Variants in ZNF763 observed in about 807,000 individuals in gnomAD.
The protein encoded by ZNF763 is zinc finger protein 763.
In ZNF763, 33 loss-of-function variants were observed where a neutral mutation model predicts 38.0. The ratio of observed to expected loss-of-function variants is 0.87; its 90% confidence interval spans 0.66 to 1.16. The LOEUF (loss-of-function observed/expected upper bound fraction) is 1.16, where lower values mean the gene tolerates loss of function less well. Among genes scored for constraint, ZNF763 ranks in the 50% most tolerant of loss-of-function variants. The pLI is 0.00. For missense variants in ZNF763, 423 were observed against 469.1 expected (o/e 0.90, Z 0.91); for synonymous variants, 155 against 160.1 (o/e 0.97, Z 0.24).
chr19:11,966,410 G>C (rs1257854120), intron 1 of ZNF763, among the ~76,000 whole-genome samples: 1 of 152,174 alleles, frequency 6.6e-6, no homozygotes, highest in East Asian at 1.9e-4. Flanking sequence ...ATCTCCTTCT[G>C]TCGCCCAGGC....
Position 11,979,277 on chromosome 19 carries a change from A to G in ZNF763, c.*168A>G. 6.2e-7 allele frequency: 1 copy of G among 1,613,576 alleles called. No homozygotes were observed. The highest frequency in any genetic ancestry group is 8.5e-7 in the Non-Finnish European group (1 of 1,179,884). ...ACTCACACTGGAGAGAAACCCTATG[A>G]GTGTAAGCAATGTGGGAAAGCCTTC... is the stretch of plus-strand genomic sequence containing the variant. On this transcript the variant is annotated 3_prime_UTR_variant, in exon 4 of 4. Transcript: ENST00000358987.
chr19:11,967,422 T>G (rs1411734016), intron 1 of ZNF763, among the ~76,000 whole-genome samples: 1 of 152,114 alleles, frequency 6.6e-6, no homozygotes, highest in Non-Finnish European at 1.5e-5. Context: ...TGTTTTTTTT[T>G]GAGACGGAGT....
chr19:11,977,220 C>T, intron 2 of ZNF763, 56 bp downstream of exon 2: 1 of 1,609,470 alleles, frequency 6.2e-7, no homozygotes, highest in Middle Eastern at 1.7e-4. Flanking sequence ...GTTTCTAGCT[C>T]ATGAATGCTG....
intron 1 of ZNF763, among the ~76,000 whole-genome samples, chr19:11,968,707 T>C (rs544414020): frequency 6.6e-6 from 1 of 152,206 alleles, no homozygotes; most frequent in South Asian, 2.1e-4. Flanking sequence ...AGAGGGAAAT[T>C]AGTGTACTAT....
At chr19:11,968,357 C>T (rs1309717027) in intron 1 of ZNF763, among the ~76,000 whole-genome samples, 3 of 152,130 alleles carry the variant, frequency 2.0e-5, no homozygotes, top group Non-Finnish European at 4.4e-5. Flanking sequence ...GCTCAAGCAC[C>T]TCAGCCTTCC....
chr19:11,967,821 G>T (rs1280012370), intron 1 of ZNF763, among the ~76,000 whole-genome samples: 2 of 152,232 alleles, frequency 1.3e-5, no homozygotes, highest in Non-Finnish European at 2.9e-5. Flanking sequence ...TTATGTAGGG[G>T]TCTTGTCTAT....
chr19:11,976,869 C>A, intron 1 of ZNF763, 169 bp from the exon 2 acceptor site: 1 of 1,471,712 alleles, frequency 6.8e-7, no homozygotes, highest in Non-Finnish European at 8.9e-7. Context: ...CTCAAAACAA[C>A]AACAACAAAA....
chr19:11,973,053 A>G (rs576223093), intron 1 of ZNF763, among the ~76,000 whole-genome samples: 1 of 152,356 alleles, frequency 6.6e-6, no homozygotes, highest in East Asian at 1.9e-4. Flanking sequence ...CCTAAAGTCC[A>G]TCTTTTACAT....
intron 3 of ZNF763, 147 bp downstream of exon 3, chr19:11,977,578 A>G (rs950804447): frequency 9.1e-7 from 1 of 1,094,030 alleles, no homozygotes; most frequent in Non-Finnish European, 1.3e-6. Context: ...TTTACATGTG[A>G]CTAAGTCTGA....
At chr19:11,971,274 G>A (rs1973345820) in intron 1 of ZNF763, among the ~76,000 whole-genome samples, 1 of 152,172 alleles carries the variant, frequency 6.6e-6, no homozygotes, top group Non-Finnish European at 1.5e-5. Context: ...TGACAGAAAA[G>A]AGAGGAAGCT....
rs368278769 is a variant in ZNF763, at chr19:11,975,364, G to T, written c.4-1674G>T. Among the ~76,000 whole-genome samples the T allele has an allele frequency of 9.9e-5, 15 of 151,724 alleles. 1 individual carries two copies. Among genetic ancestry groups the T allele is most frequent in the Admixed American group, 7.2e-4 (11 of 15,222 alleles). On this transcript the variant is annotated intron_variant, in intron 1 of 3. Transcript: ENST00000358987. Reference sequence around the variant, plus strand: ...TCTGGGATTACAGGTGTGAGCCACTGCACCCGGCCAAGATGTTATTGATTT... The same window carrying T: ...TCTGGGATTACAGGTGTGAGCCACTTCACCCGGCCAAGATGTTATTGATTT...
rs1973507731 is a variant in ZNF763 at position 11,977,036 on chromosome 19, A to G, written c.4-2A>G. ...CTCCTCTACACATGTGAGATGTTTC[A>G]GGACCCTGTGGCCTGTGAGGATGTT... On this transcript the variant is annotated splice_acceptor_variant, in intron 1 of 3. Coordinates refer to ENST00000358987, the MANE Select transcript of ZNF763 (RefSeq NM_001367172.2). LOFTEE classifies it high-confidence loss of function. 1 of 1,614,174 alleles carries G rather than the reference A, an allele frequency of 6.2e-7. No homozygotes were observed. Among genetic ancestry groups the G allele is most frequent in the Non-Finnish European group, 8.5e-7 (1 of 1,180,016 alleles).
In ZNF763 at chr19:11,980,116, A is replaced by C; in HGVS notation, c.*1007A>C. 1.2e-6 allele frequency: 1 copy of C among 862,990 alleles called. No homozygotes were observed. The highest frequency in any genetic ancestry group is 1.8e-6 in the Non-Finnish European group (1 of 551,206). The allele number at this position is 862,990 out of a possible 1,614,324, so 53.5% of individuals were successfully genotyped here. A position where few individuals can be genotyped will look rare whatever the true frequency, so the allele number is the denominator to read the frequency against. ...TCAGATCTACCTCACACCTTCGAAA[A>C]CATGGTAGGACTCACACTGGATAGA... On this transcript the variant is annotated 3_prime_UTR_variant, in exon 4 of 4. Coordinates refer to ENST00000358987, the MANE Select transcript of ZNF763 (RefSeq NM_001367172.2).
At chr19:11,972,616 T>C (rs1387264911) in intron 1 of ZNF763, among the ~76,000 whole-genome samples, 1 of 152,220 alleles carries the variant, frequency 6.6e-6, no homozygotes, top group Non-Finnish European at 1.5e-5. Context: ...TGATAACCAA[T>C]GTGTGATATT....
chr19:11,977,448 G>T lies in ZNF763; in HGVS notation c.191+17G>T. The T allele has an allele frequency of 6.2e-7, 1 of 1,613,414 alleles. No individual in the cohort carries two copies. The highest frequency in any genetic ancestry group is 8.5e-7 in the Non-Finnish European group (1 of 1,179,476). Reference sequence around the variant, plus strand: ...AAACTTCAGGTAATTGGCACTTAAAGAGAAAGCAGTGTCTCTAGATGATTT... The same window carrying T: ...AAACTTCAGGTAATTGGCACTTAAATAGAAAGCAGTGTCTCTAGATGATTT... On this transcript the variant is annotated intron_variant, in intron 3 of 3. Transcript: ENST00000358987.
intron 1 of ZNF763, among the ~76,000 whole-genome samples, chr19:11,975,689 A>G (rs1973475056): frequency 6.6e-6 from 1 of 152,028 alleles, no homozygotes; most frequent in South Asian, 2.1e-4. Context: ...GGCCTTTAAG[A>G]TGTTACTTTC....
At chr19:11,968,253 T>A (rs1973278699) in intron 1 of ZNF763, among the ~76,000 whole-genome samples, 1 of 146,622 alleles carries the variant, frequency 6.8e-6, no homozygotes, top group African/African-American at 2.7e-5. Flanking sequence ...GTACAATAAT[T>A]TAATTTTTTT....
chr19:11,979,455 C>G lies in ZNF763; in HGVS notation c.*346C>G. ...ATAAGAATACACTCTGGAGAAAGAC[C>G]TTATAAATGTAAGACATGTGGGAAA... is the stretch of plus-strand genomic sequence containing the variant. On this transcript the variant is annotated 3_prime_UTR_variant, in exon 4 of 4. Transcript: ENST00000358987. 1 of 1,605,536 alleles carries G rather than the reference C, an allele frequency of 6.2e-7. No homozygotes were observed.
rs1973542738 is a variant in ZNF763, at chr19:11,978,386, A to AT, written c.463dup (p.Tyr155LeufsTer6). ...GTCAACAACCTAAGAAAGCCTTCAG[A>AT]TATCACCCCTCCTTTAGAACACAAG... On this transcript the variant is annotated frameshift_variant, in exon 4 of 4. Coordinates refer to ENST00000358987, the MANE Select transcript of ZNF763 (RefSeq NM_001367172.2). LOFTEE classifies it high-confidence loss of function. 1.9e-6 allele frequency: 3 copies of AT among 1,614,122 alleles called. No individual in the cohort carries two copies. Among genetic ancestry groups the AT allele is most frequent in the Non-Finnish European group, 2.5e-6 (3 of 1,180,046 alleles).
Sources: gnomAD v4.1 joint callset for allele counts (sites outside exome capture counted in the v4.1 genomes callset) on GRCh38, gnomAD v4.1.1 for gene constraint, MANE v1.5 for transcripts, NCBI Gene and HGNC (gene_info 2026-07-23, HGNC 2026-07-21) for gene names.